Variants in GRM5 observed in about 807,000 individuals in gnomAD.
GRM5 encodes the protein metabotropic glutamate receptor 5.
GRM5 carries 19 observed loss-of-function variants against 83.1 expected under a neutral mutation model. That is an observed-to-expected ratio of 0.23 (90% CI 0.16 to 0.34). GRM5 has a LOEUF of 0.34. Ranked by LOEUF, GRM5 falls within the 10% of genes least tolerant of loss-of-function variation. The pLI, the probability that GRM5 is intolerant of heterozygous loss-of-function variation, is 1.00. For synonymous variants in GRM5, 675 were observed against 633.6 expected, an observed-to-expected ratio of 1.07 and a Z score of -0.98; for missense variants, 1,160 against 1,588.3, an observed-to-expected ratio of 0.73 and a Z score of 4.58.
chr11:88,591,387 C>A (rs1188128286), intron 6 of GRM5, among the ~76,000 whole-genome samples: 1 of 152,160 alleles, frequency 6.6e-6, no homozygotes, highest in African/African-American at 2.4e-5. Flanking sequence ...ACCTCTTAAT[C>A]TATCTGACTT....
intron 3 of GRM5, among the ~76,000 whole-genome samples, chr11:88,751,089 AAAAAAAC>A (rs1942263721): frequency 6.7e-6 from 1 of 149,024 alleles, no homozygotes; most frequent in Admixed American, 6.8e-5. Context: ...AAAAAAAAAA[AAAAAAAC>A]AAAGAACAAA....
At chr11:88,645,298 G>A (rs528234215) in intron 4 of GRM5, among the ~76,000 whole-genome samples, 1 of 152,206 alleles carries the variant, frequency 6.6e-6, no homozygotes, top group African/African-American at 2.4e-5. Context: ...GAGGTGAAAA[G>A]TGAGAAAATT....
intron 2 of GRM5, among the ~76,000 whole-genome samples, chr11:88,892,606 T>C (rs1945164829): frequency 6.6e-6 from 1 of 152,058 alleles, no homozygotes; most frequent in Non-Finnish European, 1.5e-5. Flanking sequence ...AGTCCTATCA[T>C]AATTTGTTTT....
chr11:88,672,354 G>C (rs181889812), intron 3 of GRM5, among the ~76,000 whole-genome samples: 2 of 151,940 alleles, frequency 1.3e-5, no homozygotes, highest in East Asian at 3.9e-4. Context: ...TATTATATCT[G>C]TCCTAAATCA....
Position 88,508,434 on chromosome 11 carries a change from G to A in GRM5, c.*158C>T. Reference sequence around the variant, plus strand: ...TTTGTCGTCGGTTTCTTCGTCGGTTGTCATGAGATAGCACTACTGATCTCG... The same window carrying A: ...TTTGTCGTCGGTTTCTTCGTCGGTTATCATGAGATAGCACTACTGATCTCG... On this transcript the variant is annotated 3_prime_UTR_variant, in exon 10 of 10. Transcript: ENST00000305447. This position sits in a 1 kb window ranked among gnomAD's most constrained non-coding sequence, Gnocchi z 4.2. 1.9e-6 allele frequency: 1 copy of A among 518,602 alleles called. No homozygotes were observed. The highest frequency in any genetic ancestry group is 3.3e-5 in the South Asian group (1 of 30,630). 32.1% of individuals were successfully genotyped at this position (518,602 alleles called of 1,614,324 possible).
At chr11:88,545,974 C>T (rs558101268) in intron 8 of GRM5, among the ~76,000 whole-genome samples, 150 of 152,156 alleles carry the variant, frequency 9.9e-4, no homozygotes, top group Admixed American at 1.5e-3. Context: ...TTGTCATTCT[C>T]TCCTTTTCTC....
intron 8 of GRM5, among the ~76,000 whole-genome samples, chr11:88,541,432 A>T (rs1229829704): frequency 6.6e-6 from 1 of 152,208 alleles, no homozygotes; most frequent in Non-Finnish European, 1.5e-5. Flanking sequence ...AAGCATATAT[A>T]AATATATAGA....
intron 3 of GRM5, among the ~76,000 whole-genome samples, chr11:88,675,525 T>C (rs2135338145): frequency 6.6e-6 from 1 of 152,056 alleles, no homozygotes; most frequent in Admixed American, 6.6e-5. Context: ...TAGAGTATTT[T>C]GGTTAACAAA....
chr11:88,991,309 T>G (rs538792645), intron 2 of GRM5, among the ~76,000 whole-genome samples: 2 of 152,134 alleles, frequency 1.3e-5, no homozygotes, highest in East Asian at 3.9e-4. Context: ...TTACAAGGGA[T>G]GTGAAGGACC....
At chr11:89,031,360 T>A (rs1034172594) in intron 2 of GRM5, among the ~76,000 whole-genome samples, 1 of 151,998 alleles carries the variant, frequency 6.6e-6, no homozygotes, top group Non-Finnish European at 1.5e-5. Context: ...ATTATTTTTG[T>A]TTTTGTTGTT....
At chr11:89,042,416 G>A (rs1488387300) in intron 2 of GRM5, among the ~76,000 whole-genome samples, 2 of 152,148 alleles carry the variant, frequency 1.3e-5, no homozygotes, top group Non-Finnish European at 2.9e-5. Context: ...TATCTGACAA[G>A]CAAGGTAGAG....
intron 3 of GRM5, among the ~76,000 whole-genome samples, chr11:88,692,724 T>C (rs1166988048): frequency 6.6e-6 from 1 of 152,176 alleles, no homozygotes; most frequent in Non-Finnish European, 1.5e-5. Context: ...ATGCCTAAAA[T>C]AGACTTAATG....
rs1009403006 is a variant in GRM5 at position 88,668,389 on chromosome 11, C to T, written c.912-14986G>A. Among the ~76,000 whole-genome samples, 14 of 148,406 alleles carry T rather than the reference C, an allele frequency of 9.4e-5. No individual in the cohort carries two copies. In the East Asian group the frequency reaches 9.8e-4, roughly 10 times the overall value. ...TAACAAATTATTCTATACCTTTAGA[C>T]GAGAAATAACACCAATACTCAACAA... On this transcript the variant is annotated intron_variant, in intron 3 of 9. Transcript: ENST00000305447.
intron 3 of GRM5, among the ~76,000 whole-genome samples, chr11:88,739,293 C>T (rs1052603159): frequency 6.6e-6 from 1 of 152,024 alleles, no homozygotes; most frequent in Non-Finnish European, 1.5e-5. Flanking sequence ...TAAATTAGTA[C>T]AGTTTTTCAA....
At chr11:88,560,164 A>G (rs919788721) in intron 8 of GRM5, among the ~76,000 whole-genome samples, 7 of 152,182 alleles carry the variant, frequency 4.6e-5, no homozygotes, top group Admixed American at 2.0e-4. Flanking sequence ...GGCCTTTCCT[A>G]TTATGCAAAA....
chr11:88,805,486 G>A (rs181455760), intron 3 of GRM5, among the ~76,000 whole-genome samples: 265 of 152,128 alleles, frequency 1.7e-3, no homozygotes, highest in Non-Finnish European at 3.2e-3. Flanking sequence ...CACCACGCAC[G>A]GCCCGTATAC....
At chr11:88,609,516 C>A (rs1938258893) in intron 4 of GRM5, among the ~76,000 whole-genome samples, 1 of 152,130 alleles carries the variant, frequency 6.6e-6, no homozygotes, top group Admixed American at 6.6e-5. Flanking sequence ...GAGTGCTTTT[C>A]TCTTGGGTAT....
Position 88,509,113 on chromosome 11 carries a change from G to A in GRM5, c.3118C>T (p.Pro1040Ser). The change falls in exon 10 of 10, where the codon CCG (proline) becomes TCG (serine). Residue 1040 changes from proline (P) to serine (S), a missense_variant. Physicochemically the swap from Pro to Ser is moderately conservative, Grantham distance 74 (BLOSUM62 -1). Transcript: ENST00000305447. ...GSASRTDDDV[P>S]SLHSEPVARS... ...GCCACAGGCTCCGAGTGCAGCGACG[G>A]CACATCGTCGTCCGTGCGGCTGGCC... 1.3e-6 allele frequency: 2 copies of A among 1,545,864 alleles called. No individual in the cohort carries two copies. Among genetic ancestry groups the A allele is most frequent in the Non-Finnish European group, 1.7e-6 (2 of 1,145,802 alleles).
chr11:89,000,678 T>C (rs1365437678), intron 2 of GRM5, among the ~76,000 whole-genome samples: 3 of 151,882 alleles, frequency 2.0e-5, no homozygotes, highest in Non-Finnish European at 2.9e-5. Flanking sequence ...ACAAGATTAA[T>C]AAAAGGAAAA....
Sources: gnomAD v4.1 joint callset for allele counts (sites outside exome capture counted in the v4.1 genomes callset) on GRCh38, gnomAD v4.1.1 for gene constraint, Gnocchi (gnomAD v3.1) non-coding constraint, MANE v1.5 for transcripts, NCBI Gene and HGNC (gene_info 2026-07-23, HGNC 2026-07-21) for gene names.